PTBP2: variants seen among roughly 807,000 people sequenced by gnomAD.
PTBP2 encodes polypyrimidine tract binding protein 2.
Under a neutral mutation model 61.4 loss-of-function variants are expected in PTBP2, and 13 were observed. That is an observed-to-expected ratio of 0.21 (90% CI 0.14 to 0.34). The LOEUF (loss-of-function observed/expected upper bound fraction) is 0.34. Ranked by LOEUF, PTBP2 falls within the 10% of genes least tolerant of loss-of-function variation. The pLI is 1.00. For missense variants in PTBP2, 405 were observed against 642.6 expected (o/e 0.63, Z 4.00); for synonymous variants, 215 against 218.5 (o/e 0.98, Z 0.14).
chr1:96,786,914 C>G (rs1016226574), intron 8 of PTBP2, among the ~76,000 whole-genome samples: 5 of 152,084 alleles, frequency 3.3e-5, no homozygotes, highest in Admixed American at 1.3e-4. Context: ...GTGCTTGGAT[C>G]CTGGGTGGGA....
At chr1:96,744,790 T>C (rs1653528162) in intron 2 of PTBP2, among the ~76,000 whole-genome samples, 1 of 152,226 alleles carries the variant, frequency 6.6e-6, no homozygotes, top group Non-Finnish European at 1.5e-5. Flanking sequence ...ATCATTCTTT[T>C]ACTATTTCCA....
At chr1:96,734,064 T>A (rs1432606166) in intron 2 of PTBP2, among the ~76,000 whole-genome samples, 1 of 152,236 alleles carries the variant, frequency 6.6e-6, no homozygotes, top group African/African-American at 2.4e-5. Flanking sequence ...ATATTTTCAC[T>A]TTAAAAGTAA....
downstream of PTBP2, chr1:96,815,832 G>T (rs1662459558): frequency 1.3e-5 from 2 of 152,200 alleles, no homozygotes; most frequent in South Asian, 2.1e-4. Flanking sequence ...GGTGATCTGT[G>T]TTTTTTTCTT....
In PTBP2 at chr1:96,784,497, G is replaced by C. The variant is rs1179493854; in HGVS notation, c.709-562G>C. ...TTTGCTAATTTCATCAAGATAATCT[G>C]ATTGGGGGTGAACATTTCAGGTTAA... On this transcript the variant is annotated intron_variant, in intron 7 of 13. Coordinates refer to ENST00000674951, the MANE Select transcript of PTBP2 (RefSeq NM_021190.4). Among the ~76,000 whole-genome samples, 8 of 152,118 alleles carry C rather than the reference G, an allele frequency of 5.3e-5. No individual in the cohort carries two copies. The East Asian group carries it at 1.2e-3, about 22-fold the overall frequency.
At chr1:96,763,613 G>A (rs865836108) in intron 3 of PTBP2, among the ~76,000 whole-genome samples, 1 of 128,220 alleles carries the variant, frequency 7.8e-6, no homozygotes, top group Non-Finnish European at 1.7e-5. Flanking sequence ...GGAGGGGGAG[G>A]GGGAGGGGGA....
intron 8 of PTBP2, among the ~76,000 whole-genome samples, chr1:96,795,946 C>G (rs1445414373): frequency 6.6e-6 from 1 of 152,096 alleles, no homozygotes; most frequent in African/African-American, 2.4e-5. Context: ...TGTTAATGTG[C>G]AAATAACTTT....
intron 8 of PTBP2, among the ~76,000 whole-genome samples, chr1:96,790,269 CTTTT>C (rs1257294576): frequency 1.4e-5 from 2 of 141,624 alleles, no homozygotes; most frequent in Admixed American, 1.4e-4. Flanking sequence ...GATTTAGAGC[CTTTT>C]TTTTTTTTGA....
rs530004726 is a variant in PTBP2, at chr1:96,747,231, T to G, written c.40-4194T>G. On this transcript the variant is annotated intron_variant, in intron 2 of 13. Coordinates refer to ENST00000674951, the MANE Select transcript of PTBP2 (RefSeq NM_021190.4). The stretch of plus-strand genomic sequence containing the variant: ...ATTCTTTACACATTCCAAATTTTCC[T>G]TTGCTCTTCTGGACATCTTCCATGT... Among the ~76,000 whole-genome samples the G allele has an allele frequency of 2.0e-5, 3 of 152,268 alleles. No individual in the cohort carries two copies. The East Asian group carries it at 5.8e-4, about 29-fold the overall frequency.
intron 3 of PTBP2, among the ~76,000 whole-genome samples, chr1:96,756,902 G>A (rs746434911): frequency 1.3e-5 from 2 of 152,122 alleles, no homozygotes; most frequent in African/African-American, 2.4e-5. Flanking sequence ...TAAGACACTT[G>A]GAGTGAACCT....
chr1:96,752,223 GATT>G (rs895440843), intron 3 of PTBP2, among the ~76,000 whole-genome samples: 3 of 151,770 alleles, frequency 2.0e-5, no homozygotes, highest in African/African-American at 4.8e-5. Context: ...TTTTGAATTT[GATT>G]ATTATTATTA....
intron 8 of PTBP2, among the ~76,000 whole-genome samples, chr1:96,786,878 A>AT (rs995107617): frequency 2.0e-5 from 3 of 152,156 alleles, no homozygotes; most frequent in African/African-American, 7.2e-5. Context: ...AGGTGTGTGT[A>AT]TTTGCCCATC....
At chr1:96,789,600 A>G (rs922473726) in intron 8 of PTBP2, among the ~76,000 whole-genome samples, 1 of 152,048 alleles carries the variant, frequency 6.6e-6, no homozygotes, top group South Asian at 2.1e-4. Flanking sequence ...ATAATTTTCT[A>G]TATGTTTGTG....
intron 8 of PTBP2, among the ~76,000 whole-genome samples, chr1:96,804,589 ATAAT>A (rs1367751002): frequency 6.6e-6 from 1 of 152,190 alleles, no homozygotes; most frequent in Non-Finnish European, 1.5e-5. Flanking sequence ...TTTAGTTCAA[ATAAT>A]TAATGGTTTT....
intron 2 of PTBP2, among the ~76,000 whole-genome samples, chr1:96,746,039 C>T (rs1460153412): frequency 6.7e-6 from 1 of 150,238 alleles, no homozygotes; most frequent in Non-Finnish European, 1.5e-5. Context: ...ACACTCCAGC[C>T]TGTGTGACAG....
Position 96,746,020 on chromosome 1 carries a change from C to T in PTBP2, c.40-5405C>T, listed in dbSNP as rs147975278. On this transcript the variant is annotated intron_variant, in intron 2 of 13. Coordinates refer to ENST00000674951, the MANE Select transcript of PTBP2 (RefSeq NM_021190.4). The stretch of plus-strand genomic sequence containing the variant: ...GGCGGAGGTTGCAGTGAGCTGAGAC[C>T]GCGCCATTACACTCCAGCCTGTGTG... Among the ~76,000 whole-genome samples, 186 of 151,050 alleles carry T rather than the reference C, an allele frequency of 1.2e-3. No individual in the cohort carries two copies. The Middle Eastern group carries it at 0.014, about 11-fold the overall frequency.
intron 2 of PTBP2, among the ~76,000 whole-genome samples, chr1:96,729,522 A>T (rs1651078359): frequency 6.6e-6 from 1 of 152,044 alleles, no homozygotes; most frequent in South Asian, 2.1e-4. Flanking sequence ...TCCTTAACTG[A>T]CACAGTTCAC....
At chr1:96,731,927 A>G (rs1456263454) in intron 2 of PTBP2, among the ~76,000 whole-genome samples, 2 of 152,162 alleles carry the variant, frequency 1.3e-5, no homozygotes, top group Non-Finnish European at 2.9e-5. Context: ...AATTGTATGA[A>G]ATGACTGTAG....
chr1:96,775,509 G>A (rs1657932572), intron 5 of PTBP2, among the ~76,000 whole-genome samples: 1 of 152,100 alleles, frequency 6.6e-6, no homozygotes, highest in African/African-American at 2.4e-5. Context: ...CATAATTATT[G>A]GAAGAAGCCA....
intron 7 of PTBP2, among the ~76,000 whole-genome samples, chr1:96,779,320 A>T (rs77478828): frequency 0.045 from 6,820 of 152,146 alleles, 479 homozygotes; most frequent in African/African-American, 0.15. Context: ...AAACGTTTAA[A>T]TATAGTCTAC....
Sources: allele counts gnomAD v4.1 joint callset (sites outside exome capture counted in the v4.1 genomes callset), GRCh38; gene constraint gnomAD v4.1.1; transcripts MANE v1.5; gene names NCBI Gene and HGNC (gene_info 2026-07-23, HGNC 2026-07-21).